Variants in IPMK observed in about 807,000 individuals in gnomAD.
IPMK encodes the protein inositol 1,3,4,6-tetrakisphosphate 5-kinase.
Under a neutral mutation model 45.8 loss-of-function variants are expected in IPMK, and 17 were observed. The observed-to-expected ratio is 0.37, with a 90% CI of 0.25 to 0.56. IPMK has a LOEUF of 0.56. Ranked by LOEUF, IPMK falls within the 20% of genes least tolerant of loss-of-function variation. The pLI is 0.79. For synonymous variants in IPMK, 180 were observed against 184.3 expected, an observed-to-expected ratio of 0.98 and a Z score of 0.19; for missense variants, 399 against 498.0, an observed-to-expected ratio of 0.80 and a Z score of 1.89.
chr10:58,210,630 G>A (rs2486491), intron 4 of IPMK, among the ~76,000 whole-genome samples: 51,477 of 152,006 alleles, frequency 0.34, 10,963 homozygotes, highest in African/African-American at 0.61. Context: ...GAGTACCTAC[G>A]AGGCTGTTCC....
chr10:58,250,015 C>T (rs996975093), intron 1 of IPMK, among the ~76,000 whole-genome samples: 6 of 152,114 alleles, frequency 3.9e-5, no homozygotes, highest in Non-Finnish European at 7.4e-5. Flanking sequence ...AATTTATTTC[C>T]AGTTCACTAT....
intron 3 of IPMK, among the ~76,000 whole-genome samples, chr10:58,219,611 C>T (rs183619183): frequency 1.3e-5 from 2 of 152,300 alleles, no homozygotes; most frequent in African/African-American, 4.8e-5. Context: ...GACACCTTTT[C>T]GGCTAGGCCC....
intron 4 of IPMK, among the ~76,000 whole-genome samples, chr10:58,206,886 T>G (rs2132146671): frequency 6.6e-6 from 1 of 152,292 alleles, no homozygotes; most frequent in South Asian, 2.1e-4. Context: ...GGTTTTCCAT[T>G]CTTGAGTTCT....
At chr10:58,218,445 G>T (rs917788460) in intron 3 of IPMK, among the ~76,000 whole-genome samples, 11 of 152,174 alleles carry the variant, frequency 7.2e-5, no homozygotes, top group African/African-American at 2.7e-4. Flanking sequence ...CAAAAAGGAA[G>T]AAAACAGATC....
chr10:58,247,149 G>A (rs1838813762), intron 1 of IPMK, among the ~76,000 whole-genome samples: 1 of 147,200 alleles, frequency 6.8e-6, no homozygotes, highest in Non-Finnish European at 1.5e-5. Context: ...AAAAAGTCAG[G>A]AAACAACAGG....
intron 1 of IPMK, among the ~76,000 whole-genome samples, chr10:58,238,749 C>T (rs1056772293): frequency 2.0e-5 from 3 of 151,776 alleles, no homozygotes; most frequent in African/African-American, 4.9e-5. Context: ...TGCTTATGAA[C>T]TACAAAAGGA....
chr10:58,221,759 T>G (rs1320436318), intron 3 of IPMK, among the ~76,000 whole-genome samples: 1 of 151,922 alleles, frequency 6.6e-6, no homozygotes, highest in Non-Finnish European at 1.5e-5. Context: ...TCTCTTTATT[T>G]TATTTTTGAA....
At chr10:58,243,925 G>A (rs975556829) in intron 1 of IPMK, among the ~76,000 whole-genome samples, 2 of 148,050 alleles carry the variant, frequency 1.4e-5, no homozygotes, top group African/African-American at 2.5e-5. Flanking sequence ...GAAGTGAGGA[G>A]CGTCTCTGCC....
At chr10:58,226,289 C>A (rs1317090251) in intron 3 of IPMK, among the ~76,000 whole-genome samples, 1 of 152,152 alleles carries the variant, frequency 6.6e-6, no homozygotes, top group Non-Finnish European at 1.5e-5. Flanking sequence ...CAAGAACTAT[C>A]CACATCAGAA....
intron 4 of IPMK, among the ~76,000 whole-genome samples, chr10:58,201,422 T>C (rs1419271340): frequency 6.6e-6 from 1 of 152,184 alleles, no homozygotes; most frequent in Non-Finnish European, 1.5e-5. Flanking sequence ...TGATTAGTGA[T>C]CTTTGATGTT....
In IPMK at chr10:58,195,098, C is replaced by G. The variant is rs1433957592; in HGVS notation, c.*978G>C. 4 of 151,912 alleles carry G rather than the reference C, an allele frequency of 2.6e-5. No individual in the cohort carries two copies. Among genetic ancestry groups the G allele is most frequent in the African/African-American group, 9.7e-5 (4 of 41,390 alleles). 9.4% of individuals were successfully genotyped at this position (151,912 alleles called of 1,614,324 possible). On this transcript the variant is annotated 3_prime_UTR_variant, in exon 6 of 6. Transcript: ENST00000373935. ...ATTAGATATTGTCTTTCATTGCTTA[C>G]TATAATTCTGAGAAACTGTTTTTAA...
chr10:58,229,562 C>CAAA (rs574403627), intron 2 of IPMK, among the ~76,000 whole-genome samples: 23 of 72,948 alleles, frequency 3.2e-4, no homozygotes, highest in South Asian at 2.9e-3. Context: ...GACCACGTCT[C>CAAA]AAAAAAAAAA....
chr10:58,198,576 A>G (rs917124047), intron 5 of IPMK, among the ~76,000 whole-genome samples: 8 of 152,214 alleles, frequency 5.3e-5, no homozygotes, highest in African/African-American at 1.7e-4. Flanking sequence ...TATATATAAA[A>G]TAAGAATTCT....
chr10:58,231,516 C>T lies in IPMK; in HGVS notation c.277-4377G>A, dbSNP rs138866966. On this transcript the variant is annotated intron_variant, in intron 2 of 5. Transcript: ENST00000373935. The stretch of plus-strand genomic sequence containing the variant: ...CCTAAAGCCAGAAGAGAGTGGAGGC[C>T]AACATTCAACATACTTAAAGAAAAG... Among the ~76,000 whole-genome samples, 805 of 152,246 alleles carry T rather than the reference C, an allele frequency of 5.3e-3. 5 individuals carry two copies. Among genetic ancestry groups the T allele is most frequent in the African/African-American group, 0.018 (765 of 41,540 alleles).
intron 4 of IPMK, among the ~76,000 whole-genome samples, chr10:58,209,750 AT>A: frequency 6.6e-6 from 1 of 152,206 alleles, no homozygotes; most frequent in South Asian, 2.1e-4. Context: ...AAGTTGTTAC[AT>A]GGACAGACTG....
In IPMK at chr10:58,193,202, GATAC is replaced by G. The variant is rs1837841152; in HGVS notation, c.*2870_*2873del. The G allele has an allele frequency of 6.6e-6, 1 of 151,864 alleles. No individual in the cohort carries two copies. The highest frequency in any genetic ancestry group is 2.1e-4 in the South Asian group (1 of 4,828). 9.4% of individuals were successfully genotyped at this position (151,864 alleles called of 1,614,324 possible). ...TTTTCTTAAATGATGTTATAAATTT[GATAC>G]ATAGACTTGATAGACATAAGAACAT... On this transcript the variant is annotated 3_prime_UTR_variant, in exon 6 of 6. Transcript: ENST00000373935.
intron 2 of IPMK, among the ~76,000 whole-genome samples, chr10:58,230,279 G>T (rs2132160988): frequency 6.6e-6 from 1 of 152,334 alleles, no homozygotes. Flanking sequence ...GTCCCTGTCT[G>T]ACAGTTCTGA....
intron 3 of IPMK, 33 bp from the exon 4 acceptor site, chr10:58,216,350 G>GTTT: frequency 2.1e-5 from 22 of 1,071,720 alleles, no homozygotes; most frequent in East Asian, 2.9e-5. Context: ...ATTAGTAATA[G>GTTT]GCAAACATAT....
intron 4 of IPMK, among the ~76,000 whole-genome samples, chr10:58,200,126 TG>T (rs1837975878): frequency 6.6e-6 from 1 of 152,140 alleles, no homozygotes; most frequent in Non-Finnish European, 1.5e-5. Flanking sequence ...AACTTTTTTT[TG>T]GTTGGGGGAG....
Sources: allele counts gnomAD v4.1 joint callset (sites outside exome capture counted in the v4.1 genomes callset), GRCh38; gene constraint gnomAD v4.1.1; transcripts MANE v1.5; gene names NCBI Gene and HGNC (gene_info 2026-07-23, HGNC 2026-07-21).